EVI5: variants seen among roughly 807,000 people sequenced by gnomAD.
EVI5 encodes the protein ecotropic viral integration site 5 protein homolog.
EVI5 carries 73 observed loss-of-function variants against 112.0 expected under a neutral mutation model. The observed-to-expected ratio is 0.65, with a 90% CI of 0.54 to 0.79. EVI5 has a LOEUF of 0.79. Ranked by LOEUF, EVI5 falls within the 30% of genes least tolerant of loss-of-function variation. The pLI is 0.00. For missense variants in EVI5, 900 were observed against 968.8 expected, an observed-to-expected ratio of 0.93 and a Z score of 0.94; for synonymous variants, 305 against 319.9, an observed-to-expected ratio of 0.95 and a Z score of 0.50.
In EVI5 at chr1:92,509,861, T is replaced by C. The variant is rs199616227; in HGVS notation, c.*3795A>G. 2 of 152,192 alleles carry C rather than the reference T, an allele frequency of 1.3e-5. No homozygotes were observed. The highest frequency in any genetic ancestry group is 2.9e-5 in the Non-Finnish European group (2 of 68,044). The allele number at this position is 152,192 out of a possible 1,614,324, so 9.4% of individuals were successfully genotyped here. On this transcript the variant is annotated 3_prime_UTR_variant, in exon 20 of 20. Coordinates refer to ENST00000684568, the MANE Select transcript of EVI5 (RefSeq NM_001350197.2). Reference sequence around the variant, plus strand: ...AGTCATTTCATTCACTTTTCTCCCCTGAATATACTCAACTCTAAGTGTTTA... The same window carrying C: ...AGTCATTTCATTCACTTTTCTCCCCCGAATATACTCAACTCTAAGTGTTTA...
intron 2 of EVI5, among the ~76,000 whole-genome samples, chr1:92,716,595 G>A (rs889544727): frequency 1.3e-5 from 2 of 151,804 alleles, no homozygotes; most frequent in Non-Finnish European, 2.9e-5. Context: ...CGCCAGCAAC[G>A]GAACAAAGCT....
intron 18 of EVI5, among the ~76,000 whole-genome samples, chr1:92,565,671 A>G (rs963522672): frequency 6.6e-6 from 1 of 152,046 alleles, no homozygotes; most frequent in Non-Finnish European, 1.5e-5. Flanking sequence ...TACCAAATAG[A>G]ACTGTTCTAG....
chr1:92,662,995 C>A, intron 12 of EVI5, 130 bp from the exon 13 acceptor site: 2 of 386,954 alleles, frequency 5.2e-6, no homozygotes, highest in South Asian at 4.3e-5. Context: ...AATAGAACAG[C>A]CTACGTAATC....
intron 19 of EVI5, among the ~76,000 whole-genome samples, chr1:92,521,477 G>A (rs1472636156): frequency 2.0e-5 from 3 of 152,108 alleles, no homozygotes; most frequent in African/African-American, 7.2e-5. Context: ...GATCACTTGA[G>A]GTCAGGAGTT....
intron 13 of EVI5, among the ~76,000 whole-genome samples, chr1:92,636,631 C>G (rs1658894346): frequency 2.0e-5 from 3 of 152,108 alleles, no homozygotes; most frequent in African/African-American, 7.2e-5. Flanking sequence ...TCCATCCATC[C>G]AGATACAAAG....
intron 2 of EVI5, among the ~76,000 whole-genome samples, chr1:92,734,540 C>T (rs769288265): frequency 5.3e-5 from 8 of 152,160 alleles, no homozygotes; most frequent in South Asian, 4.2e-4. Flanking sequence ...GCATGATCTC[C>T]GCTCACTGCA....
chr1:92,518,668 A>AG (rs1557698742), intron 19 of EVI5, among the ~76,000 whole-genome samples: 1 of 150,880 alleles, frequency 6.6e-6, no homozygotes. Flanking sequence ...AAAAAAAAAA[A>AG]GAGGTCTTAG....
chr1:92,642,304 A>G (rs1008400709), intron 13 of EVI5, among the ~76,000 whole-genome samples: 1 of 152,220 alleles, frequency 6.6e-6, no homozygotes, highest in Admixed American at 6.5e-5. Context: ...CATTAAAGTA[A>G]CGCCTCATTT....
intron 14 of EVI5, among the ~76,000 whole-genome samples, chr1:92,635,487 G>T (rs778937509): frequency 6.6e-6 from 1 of 152,202 alleles, no homozygotes; most frequent in Non-Finnish European, 1.5e-5. Context: ...CCAGGCACAG[G>T]ACATAACCTC....
chr1:92,619,222 A>C (rs1557914503), intron 16 of EVI5, among the ~76,000 whole-genome samples: 1 of 152,116 alleles, frequency 6.6e-6, no homozygotes, highest in Non-Finnish European at 1.5e-5. Context: ...GATGGGCACA[A>C]TCTAATCAGC....
chr1:92,603,139 C>T (rs1378946733), intron 18 of EVI5, among the ~76,000 whole-genome samples: 1 of 152,138 alleles, frequency 6.6e-6, no homozygotes, highest in Non-Finnish European at 1.5e-5. Context: ...ATCAAAACCA[C>T]AATGAGATAC....
At chr1:92,638,477 T>C (rs2101932395) in intron 13 of EVI5, among the ~76,000 whole-genome samples, 1 of 152,266 alleles carries the variant, frequency 6.6e-6, no homozygotes, top group East Asian at 1.9e-4. Context: ...ATACTGCAAA[T>C]TACACAGTGT....
At chr1:92,589,173 C>T (rs1297161231) in intron 18 of EVI5, among the ~76,000 whole-genome samples, 2 of 152,198 alleles carry the variant, frequency 1.3e-5, no homozygotes, top group Non-Finnish European at 2.9e-5. Context: ...CTCCAGTCTA[C>T]AGCTCCCAGC....
At position 92,677,155 on chromosome 1, in the gene EVI5, T is replaced by C; in HGVS notation, c.1158+3A>G. On this transcript the variant is annotated splice_donor_region_variant and intron_variant, in intron 10 of 19. Coordinates refer to ENST00000684568, the MANE Select transcript of EVI5 (RefSeq NM_001350197.2). ...GTACTTTAAAAAGCCCCCAACTGCTTACTTTAATTTCAACTTGCTCTTCCA... is the reference window on the plus strand; with the variant it reads ...GTACTTTAAAAAGCCCCCAACTGCTCACTTTAATTTCAACTTGCTCTTCCA... 6.3e-7 allele frequency: 1 copy of C among 1,576,426 alleles called. No homozygotes were observed. The highest frequency in any genetic ancestry group is 8.7e-7 in the Non-Finnish European group (1 of 1,151,234).
At position 92,662,793 on chromosome 1, in the gene EVI5, G is replaced by C. The variant is rs779235088; in HGVS notation, c.1318C>G (p.Gln440Glu). 1 of 1,289,248 alleles carries C rather than the reference G, an allele frequency of 7.8e-7. No homozygotes were observed. The highest frequency in any genetic ancestry group is 1.2e-5 in the South Asian group (1 of 80,976). The allele number at this position is 1,289,248 out of a possible 1,614,324, so 79.9% of individuals were successfully genotyped here. A position where few individuals can be genotyped will look rare whatever the true frequency, so the allele number is the denominator to read the frequency against. The part of the protein sequence containing the change: ...IKRELATIKQ[Q>E]SDEASAKLEQ... ...AGCTTAGCACTGGCCTCATCACTCT[G>C]CTGTTTGATGGTGGCCAACTCCCGT... Residue 440 changes from glutamine to glutamate, a missense_variant, in exon 13 of 20, where the codon CAG becomes GAG. By Grantham distance (29) the Gln-to-Glu change is conservative. Transcript: ENST00000684568.
At chr1:92,695,241 T>C in intron 7 of EVI5, 69 bp downstream of exon 7, 5 of 1,325,810 alleles carry the variant, frequency 3.8e-6, no homozygotes, top group Admixed American at 2.3e-5. Context: ...GCTCTCCTCA[T>C]TGCCCTGCTC....
chr1:92,765,790 A>G (rs1000206581), intron 1 of EVI5, among the ~76,000 whole-genome samples: 3 of 152,020 alleles, frequency 2.0e-5, no homozygotes, highest in Non-Finnish European at 4.4e-5. Context: ...AACTGGGGGG[A>G]AAGGGCGGGG....
At chr1:92,602,641 C>T (rs944610656) in intron 18 of EVI5, among the ~76,000 whole-genome samples, 1 of 152,108 alleles carries the variant, frequency 6.6e-6, no homozygotes, top group Non-Finnish European at 1.5e-5. Flanking sequence ...TCCTGGCCTC[C>T]AGCAATCCCC....
At chr1:92,634,807 G>A (rs931349706) in intron 14 of EVI5, among the ~76,000 whole-genome samples, 1 of 152,138 alleles carries the variant, frequency 6.6e-6, no homozygotes, top group Non-Finnish European at 1.5e-5. Context: ...CATCTTTGTG[G>A]TTTTATCTAC....
Sources: gnomAD v4.1 joint callset for allele counts (sites outside exome capture counted in the v4.1 genomes callset) on GRCh38, gnomAD v4.1.1 for gene constraint, MANE v1.5 for transcripts, NCBI Gene and HGNC (gene_info 2026-07-23, HGNC 2026-07-21) for gene names.